NTN4: variants seen among roughly 807,000 people sequenced by gnomAD.
NTN4 encodes the protein netrin 4.
NTN4 carries 32 observed loss-of-function variants against 73.6 expected under a neutral mutation model. The ratio of observed to expected loss-of-function variants is 0.44; its 90% CI spans 0.33 to 0.58. The LOEUF (loss-of-function observed/expected upper bound fraction) is 0.58, where lower values mean the gene tolerates loss of function less well. Ranked by LOEUF, NTN4 falls within the 20% of genes least tolerant of loss-of-function variation. NTN4 has a pLI of 0.04. For synonymous variants in NTN4, 258 were observed against 287.5 expected (o/e 0.90, Z 1.04); for missense variants, 654 against 798.3 (o/e 0.82, Z 2.18).
chr12:95,686,748 ACT>A (rs1166153105), intron 5 of NTN4, among the ~76,000 whole-genome samples: 2 of 146,856 alleles, frequency 1.4e-5, no homozygotes, highest in African/African-American at 2.6e-5. Context: ...ACAGAGCAAG[ACT>A]CTGTCTCAAA....
rs1460848065 is a variant in NTN4, at chr12:95,770,988, A to ATTTTTTTTTTTTTTTTTTTT, written c.585+15950_585+15951insAAAAAAAAAAAAAAAAAAAA. Among the ~76,000 whole-genome samples, 511 of 57,940 alleles carry ATTTTTTTTTTTTTTTTTTTT rather than the reference A, an allele frequency of 8.8e-3. 43 individuals carry two copies. The highest frequency in any genetic ancestry group is 0.022 in the African/African-American group (491 of 22,742). The allele number at this position is 57,940 out of a possible 152,430, so 38.0% of individuals were successfully genotyped here. A position where few individuals can be genotyped will look rare whatever the true frequency, so the allele number is the denominator to read the frequency against. On this transcript the variant is annotated intron_variant, in intron 2 of 9. Transcript: ENST00000343702. ...GCAAGATGAACCATCCAGGAAAAGA[A>ATTTTTTTTTTTTTTTTTTTT]TTTGTTTTTTTTTTTTTTTGAGACA... is the stretch of plus-strand genomic sequence containing the variant.
At chr12:95,785,161 A>G (rs2079158681) in intron 2 of NTN4, among the ~76,000 whole-genome samples, 1 of 152,224 alleles carries the variant, frequency 6.6e-6, no homozygotes, top group South Asian at 2.1e-4. Context: ...TAAATTTGCA[A>G]TAAATTCAAT....
intron 3 of NTN4, among the ~76,000 whole-genome samples, chr12:95,726,121 CG>C (rs2078692115): frequency 6.6e-6 from 1 of 151,740 alleles, no homozygotes. Context: ...ATAACATTCA[CG>C]TAACATAAAA....
chr12:95,678,518 G>A (rs936121198), intron 7 of NTN4, among the ~76,000 whole-genome samples: 11 of 151,962 alleles, frequency 7.2e-5, no homozygotes, highest in African/African-American at 2.4e-4. Flanking sequence ...AGAAGAGAAT[G>A]ACATTTACTT....
chr12:95,727,851 A>G lies in NTN4; in HGVS notation c.864+10015T>C, dbSNP rs546563591. Among the ~76,000 whole-genome samples, 4 of 152,324 alleles carry G rather than the reference A, an allele frequency of 2.6e-5. No individual in the cohort carries two copies. In the East Asian group the frequency reaches 7.7e-4, roughly 29 times the overall value. On this transcript the variant is annotated intron_variant, in intron 3 of 9. Coordinates refer to ENST00000343702, the MANE Select transcript of NTN4 (RefSeq NM_021229.4). ...TGCAAAAAGGGCAGCTAGAATTTTGATAGATATCACAGTGAATCTATAGGT... is the reference window on the plus strand; with the variant it reads ...TGCAAAAAGGGCAGCTAGAATTTTGGTAGATATCACAGTGAATCTATAGGT...
At chr12:95,664,132 C>T (rs1156459715) in intron 9 of NTN4, among the ~76,000 whole-genome samples, 1 of 152,088 alleles carries the variant, frequency 6.6e-6, no homozygotes, top group Non-Finnish European at 1.5e-5. Flanking sequence ...TGGCTCACTG[C>T]AGTTTTGACC....
intron 3 of NTN4, among the ~76,000 whole-genome samples, chr12:95,737,205 T>G (rs2078784572): frequency 6.6e-6 from 1 of 152,146 alleles, no homozygotes; most frequent in African/African-American, 2.4e-5. Flanking sequence ...ATTCCTATGT[T>G]GCTATCATTC....
intron 5 of NTN4, among the ~76,000 whole-genome samples, chr12:95,699,932 G>C (rs1405928030): frequency 2.2e-4 from 34 of 152,014 alleles, no homozygotes; most frequent in Admixed American, 2.2e-3. Flanking sequence ...GAAAGACTAT[G>C]TAATAGTTTA....
At position 95,761,601 on chromosome 12, in the gene NTN4, G is replaced by C. The variant is rs189200201; in HGVS notation, c.586-23457C>G. 7.3e-3 allele frequency among the ~76,000 whole-genome samples: 1,112 copies of C among 152,146 alleles called. 6 individuals are homozygous for C. Among genetic ancestry groups the C allele is most frequent in the South Asian group, 0.012 (57 of 4,810 alleles). ...GCCCACCTTGGCCTCCCAAAGTGCT[G>C]GAATTACAGGCGTGAGCCACCGTGC... On this transcript the variant is annotated intron_variant, in intron 2 of 9. Coordinates refer to ENST00000343702, the MANE Select transcript of NTN4 (RefSeq NM_021229.4).
intron 3 of NTN4, among the ~76,000 whole-genome samples, chr12:95,734,618 A>G (rs563957989): frequency 1.3e-5 from 2 of 152,376 alleles, no homozygotes; most frequent in South Asian, 4.1e-4. Context: ...ACAGCCGTGT[A>G]CATAAAATAA....
intron 5 of NTN4, among the ~76,000 whole-genome samples, chr12:95,694,793 T>C (rs1374202179): frequency 2.0e-5 from 3 of 152,168 alleles, no homozygotes; most frequent in African/African-American, 4.8e-5. Flanking sequence ...TTACGTTCAA[T>C]GGTAGCTAGT....
chr12:95,785,193 T>A (rs1408346422), intron 2 of NTN4, among the ~76,000 whole-genome samples: 1 of 152,230 alleles, frequency 6.6e-6, no homozygotes, highest in Non-Finnish European at 1.5e-5. Flanking sequence ...TAAATGAGCA[T>A]GCCTGCCATC....
At chr12:95,745,051 A>T (rs1441705967) in intron 2 of NTN4, among the ~76,000 whole-genome samples, 1 of 151,570 alleles carries the variant, frequency 6.6e-6, no homozygotes, top group Non-Finnish European at 1.5e-5. Context: ...GTAATGTGCC[A>T]TTTTTTTCTC....
intron 2 of NTN4, among the ~76,000 whole-genome samples, chr12:95,780,454 G>GA (rs1311286376): frequency 2.6e-5 from 4 of 152,102 alleles, no homozygotes; most frequent in South Asian, 2.1e-4. Context: ...AAATTTACCA[G>GA]AAAAAAACAA....
rs544452955 is a variant in NTN4 at position 95,763,746 on chromosome 12, A to C, written c.585+23193T>G. 5.9e-5 allele frequency among the ~76,000 whole-genome samples: 9 copies of C among 152,364 alleles called. No homozygotes were observed. The East Asian group carries it at 1.7e-3, about 29-fold the overall frequency. On this transcript the variant is annotated intron_variant, in intron 2 of 9. Coordinates refer to ENST00000343702, the MANE Select transcript of NTN4 (RefSeq NM_021229.4). ...CCAATTTTATTTTTTAATCCAAATA[A>C]ATTTCAAAGATTTTTCCATAATGTA...
In NTN4 at chr12:95,789,273, A is replaced by G. The variant is rs988151390; in HGVS notation, c.55+982T>C. ...GGCCCTCAGGGAAGAGTGGAAGCCC[A>G]AGGGAGGAGATGCGTGCTACAATGT... On this transcript the variant is annotated intron_variant, in intron 1 of 9. Coordinates refer to ENST00000343702, the MANE Select transcript of NTN4 (RefSeq NM_021229.4). The surrounding 1 kb of genome is among the most constrained non-coding windows in gnomAD (Gnocchi z 4.0). 4.6e-5 allele frequency among the ~76,000 whole-genome samples: 7 copies of G among 152,186 alleles called. No homozygotes were observed. Among genetic ancestry groups the G allele is most frequent in the Non-Finnish European group, 1.0e-4 (7 of 68,012 alleles).
chr12:95,763,638 TTACTAATGAC>T (rs1395475635), intron 2 of NTN4, among the ~76,000 whole-genome samples: 6 of 152,254 alleles, frequency 3.9e-5, no homozygotes, highest in East Asian at 1.9e-4. Flanking sequence ...TAAGCACATG[TTACTAATGAC>T]GGTATTTTCT....
At chr12:95,769,673 A>G (rs2079043024) in intron 2 of NTN4, among the ~76,000 whole-genome samples, 1 of 151,642 alleles carries the variant, frequency 6.6e-6, no homozygotes, top group African/African-American at 2.4e-5. Context: ...CAGTGCATGA[A>G]TGGTTGAAGT....
rs1296032523 is a variant in NTN4, at chr12:95,658,213, T to A, written c.*873A>T. The stretch of plus-strand genomic sequence containing the variant: ...ACAAGTGCATTGCAAATGAGCTCTT[T>A]AAAATTTAAAGTCCATTTCCCCTTT... On this transcript the variant is annotated 3_prime_UTR_variant, in exon 10 of 10. Coordinates refer to ENST00000343702, the MANE Select transcript of NTN4 (RefSeq NM_021229.4). 6.6e-6 allele frequency: 1 copy of A among 152,244 alleles called. No homozygotes were observed. The highest frequency in any genetic ancestry group is 1.9e-4 in the East Asian group (1 of 5,206). The allele number at this position is 152,244 out of a possible 1,614,324, so 9.4% of individuals were successfully genotyped here.
Sources: allele counts gnomAD v4.1 joint callset (sites outside exome capture counted in the v4.1 genomes callset), GRCh38; gene constraint gnomAD v4.1.1; non-coding constraint Gnocchi (gnomAD v3.1); transcripts MANE v1.5; gene names NCBI Gene and HGNC (gene_info 2026-07-23, HGNC 2026-07-21).